LIPJ: variants seen among roughly 807,000 people sequenced by gnomAD.
The protein encoded by LIPJ is lipase family member J.
LIPJ carries 33 observed loss-of-function variants against 39.8 expected under a neutral mutation model. The ratio of observed to expected loss-of-function variants is 0.83; its 90% CI spans 0.63 to 1.11. LIPJ has a LOEUF of 1.11. Among genes scored for constraint, LIPJ ranks in the 50% least tolerant of loss-of-function variants. LIPJ has a pLI of 0.00. For synonymous variants in LIPJ, 128 were observed against 139.2 expected (o/e 0.92, Z 0.57); for missense variants, 422 against 427.9 (o/e 0.99, Z 0.12).
chr10:88,602,814 G>A (rs535594080), intron 9 of LIPJ, among the ~76,000 whole-genome samples, 167 bp downstream of exon 9: 1 of 152,166 alleles, frequency 6.6e-6, no homozygotes, highest in East Asian at 1.9e-4. Flanking sequence ...TATTGAGGCT[G>A]GGCGCAATGG....
chr10:88,596,874 G>T lies in LIPJ; in HGVS notation c.661G>T (p.Asp221Tyr), dbSNP rs375091823. The T allele has an allele frequency of 3.2e-4, 505 of 1,596,182 alleles. 8 individuals carry two copies. The South Asian group carries it at 5.3e-3, about 17-fold the overall frequency. ...AAAGCTGTGTCCACTACAGATTTTT[G>T]ATAAGATTTGCCTCAATATCTTGTT... The change falls in exon 8 of 11, where the codon GAT becomes TAT. Residue 221 changes from aspartate (D) to tyrosine (Y), a missense_variant. Coordinates refer to ENST00000371939, the Ensembl canonical transcript of LIPJ.
intron 8 of LIPJ, among the ~76,000 whole-genome samples, chr10:88,599,724 C>T (rs1396367614): frequency 6.6e-6 from 1 of 150,924 alleles, no homozygotes; most frequent in Non-Finnish European, 1.5e-5. Flanking sequence ...TATATATATA[C>T]ACATCTTCAA....
the LIPJ span, among the ~76,000 whole-genome samples, chr10:88,615,649 AAAC>A: frequency 5.2e-3 from 761 of 147,178 alleles, 20 homozygotes; most frequent in South Asian, 0.043. Flanking sequence ...AAAAAAAAAA[AAAC>A]AGAAAGAAAT....
the LIPJ span, among the ~76,000 whole-genome samples, chr10:88,613,800 ATGTGTG>A: frequency 2.7e-5 from 2 of 74,152 alleles, no homozygotes; most frequent in Non-Finnish European, 5.3e-5. Context: ...ATATATATAT[ATGTGTG>A]TGTGTGTGTG....
At chr10:88,620,061 A>G in the LIPJ span, among the ~76,000 whole-genome samples, 1 of 152,184 alleles carries the variant, frequency 6.6e-6, no homozygotes, top group Admixed American at 6.5e-5. Flanking sequence ...AAAATGAGAC[A>G]TTCTTTAACA....
At chr10:88,583,381 C>G (rs1429726055), upstream of LIPJ, 1 of 1,391,282 alleles carries the variant, frequency 7.2e-7, no homozygotes, top group Admixed American at 3.1e-5. Context: ...AGAGGCCCCT[C>G]CGTCCTTGAG....
At chr10:88,612,782 A>G in the LIPJ span, among the ~76,000 whole-genome samples, 1 of 152,162 alleles carries the variant, frequency 6.6e-6, no homozygotes, top group Non-Finnish European at 1.5e-5. Context: ...CAACACAATA[A>G]TAATGGGGAA....
chr10:88,587,606 T>A (rs1850951933), intron 2 of LIPJ, among the ~76,000 whole-genome samples: 1 of 152,106 alleles, frequency 6.6e-6, no homozygotes, highest in African/African-American at 2.4e-5. Flanking sequence ...AAAATCATTA[T>A]TTAAAATTCT....
chr10:88,621,521 G>A, the LIPJ span, among the ~76,000 whole-genome samples: 1 of 152,126 alleles, frequency 6.6e-6, no homozygotes, highest in African/African-American at 2.4e-5. Context: ...GAAGAGATCT[G>A]GTTGAAAATG....
exon 5 of LIPJ, chr10:88,594,019 C>CAAT (rs1564932521): frequency 1.9e-6 from 3 of 1,612,320 alleles, no homozygotes; most frequent in Non-Finnish European, 2.5e-6. Context: ...ATCTTCCCAA[C>CAAT]AATAGTCTGG....
chr10:88,602,150 T>A (rs771605915), intron 8 of LIPJ, among the ~76,000 whole-genome samples: 16 of 152,210 alleles, frequency 1.1e-4, no homozygotes, highest in Non-Finnish European at 2.1e-4. Context: ...AACTTCACAT[T>A]CTCCTGGACT....
At chr10:88,592,014 T>C (rs1851095578) in intron 4 of LIPJ, 1 of 151,938 alleles carries the variant, frequency 6.6e-6, no homozygotes, top group Non-Finnish European at 1.5e-5. Context: ...GATCTGCCAC[T>C]TACTAGTAGA....
At chr10:88,613,796 ATATATGTG>A in the LIPJ span, among the ~76,000 whole-genome samples, 13 of 51,540 alleles carry the variant, frequency 2.5e-4, no homozygotes, top group African/African-American at 8.4e-4. Flanking sequence ...ATATATATAT[ATATATGTG>A]TGTGTGTGTG....
intron 8 of LIPJ, among the ~76,000 whole-genome samples, chr10:88,598,178 C>A (rs1281358130): frequency 2.0e-5 from 3 of 151,986 alleles, no homozygotes; most frequent in African/African-American, 7.2e-5. Flanking sequence ...TTGAATCAGT[C>A]TCTTGAGCCT....
downstream of LIPJ, among the ~76,000 whole-genome samples, chr10:88,608,862 A>G (rs1851717304): frequency 6.6e-6 from 1 of 152,214 alleles, no homozygotes; most frequent in African/African-American, 2.4e-5. Context: ...ACTCCACTTC[A>G]GCTATGTCAG....
In LIPJ at chr10:88,596,753, G is replaced by T. The variant is rs771405348; in HGVS notation, c.577-37G>T. On this transcript the variant is annotated intron_variant, in intron 7 of 10. Coordinates refer to ENST00000371939, the Ensembl canonical transcript of LIPJ. ...CAACATTTCTTTAGCACTTATTGTG[G>T]TCATCCAAATGTGGATAAAATAAAT... The T allele has an allele frequency of 1.0e-5, 16 of 1,535,796 alleles. No individual in the cohort carries two copies. In the African/African-American group the frequency reaches 1.9e-4, roughly 19 times the overall value.
chr10:88,611,795 T>C (rs1025762058), downstream of LIPJ, among the ~76,000 whole-genome samples: 1 of 152,174 alleles, frequency 6.6e-6, no homozygotes, highest in Non-Finnish European at 1.5e-5. Flanking sequence ...TAAGAATAAT[T>C]GGTGTCCCTG....
At chr10:88,622,803 G>A in the LIPJ span, among the ~76,000 whole-genome samples, 2 of 152,092 alleles carry the variant, frequency 1.3e-5, no homozygotes, top group African/African-American at 4.8e-5. Context: ...AGCAAAGAGG[G>A]ACATGAAGTG....
chr10:88,614,230 G>A, the LIPJ span, among the ~76,000 whole-genome samples: 2 of 151,958 alleles, frequency 1.3e-5, no homozygotes, highest in Admixed American at 1.3e-4. Context: ...GAGATGTATG[G>A]TGAAATATTT....
Sources: gnomAD v4.1 joint callset for allele counts (sites outside exome capture counted in the v4.1 genomes callset) on GRCh38, gnomAD v4.1.1 for gene constraint, MANE v1.5 for transcripts, NCBI Gene and HGNC (gene_info 2026-07-23, HGNC 2026-07-21) for gene names.